The following FOXP2 variants were observed in gnomAD, a reference collection of about 807,000 sequenced individuals.
FOXP2 encodes forkhead box P2.
FOXP2 carries 12 observed loss-of-function variants against 115.8 expected under a neutral mutation model. That is an observed-to-expected ratio of 0.10 (90% confidence interval 0.07 to 0.17). The LOEUF is 0.17. Ranked by LOEUF, FOXP2 falls within the 10% of genes least tolerant of loss-of-function variation. The pLI is 1.00. For synonymous variants in FOXP2, 328 were observed against 297.7 expected (o/e 1.10, Z -1.05); for missense variants, 629 against 843.5 (o/e 0.75, Z 3.15).
chr7:114,223,125 G>C (rs1794663552), intron 1 of FOXP2, among the ~76,000 whole-genome samples: 1 of 151,944 alleles, frequency 6.6e-6, no homozygotes, highest in Non-Finnish European at 1.5e-5. Context: ...CCTTTCCTTA[G>C]GAATGAAACA....
At chr7:114,388,889 A>G (rs557640005) in intron 2 of FOXP2, among the ~76,000 whole-genome samples, 1 of 152,336 alleles carries the variant, frequency 6.6e-6, no homozygotes, top group Non-Finnish European at 1.5e-5. Flanking sequence ...GCTTTTAATC[A>G]TTTAGGCCAC....
intron 2 of FOXP2, among the ~76,000 whole-genome samples, chr7:114,449,432 T>A (rs1055882541): frequency 4.6e-5 from 7 of 152,226 alleles, no homozygotes; most frequent in South Asian, 2.1e-4. Flanking sequence ...AATGCACACT[T>A]GTACATATCC....
intron 1 of FOXP2, among the ~76,000 whole-genome samples, chr7:114,209,498 GT>G (rs1171164097): frequency 6.6e-6 from 1 of 152,082 alleles, no homozygotes; most frequent in East Asian, 1.9e-4. Flanking sequence ...AGCTTGTAGG[GT>G]TTCTATTGAA....
intron 2 of FOXP2, among the ~76,000 whole-genome samples, chr7:114,325,131 AT>A (rs1205138446): frequency 1.3e-5 from 2 of 151,870 alleles, no homozygotes; most frequent in Non-Finnish European, 2.9e-5. Flanking sequence ...AAAATGTATT[AT>A]TGGTGCAAAT....
At chr7:114,538,473 G>C (rs571513044) in intron 3 of FOXP2, 3 of 713,658 alleles carry the variant, frequency 4.2e-6, no homozygotes, top group African/African-American at 1.9e-5. Flanking sequence ...ATAATATAAA[G>C]TTCTCCTTTC....
chr7:114,383,693 T>C (rs1450073794), intron 2 of FOXP2, among the ~76,000 whole-genome samples: 1 of 152,140 alleles, frequency 6.6e-6, no homozygotes, highest in Non-Finnish European at 1.5e-5. Flanking sequence ...TGCAGAAGAA[T>C]ATAAGTCGTT....
At chr7:114,431,434 G>A (rs897930239) in intron 2 of FOXP2, among the ~76,000 whole-genome samples, 2 of 151,894 alleles carry the variant, frequency 1.3e-5, no homozygotes, top group African/African-American at 2.4e-5. Flanking sequence ...GCATTTTTCT[G>A]GGTTTAGCAC....
chr7:114,198,142 G>T (rs1438559764), intron 1 of FOXP2, among the ~76,000 whole-genome samples: 2 of 152,126 alleles, frequency 1.3e-5, no homozygotes, highest in Non-Finnish European at 2.9e-5. Context: ...GGGATTACAG[G>T]CATGAGCTAC....
At chr7:114,239,265 A>G (rs1399227728) in intron 1 of FOXP2, among the ~76,000 whole-genome samples, 9 of 152,108 alleles carry the variant, frequency 5.9e-5, no homozygotes, top group Non-Finnish European at 1.0e-4. Flanking sequence ...AGTAAATGTA[A>G]CATGTAGTTA....
chr7:114,352,213 G>A (rs1442399488), intron 2 of FOXP2, among the ~76,000 whole-genome samples: 2 of 152,004 alleles, frequency 1.3e-5, no homozygotes, highest in African/African-American at 2.4e-5. Flanking sequence ...ACTACAATGA[G>A]CCATGGTCAC....
At chr7:114,513,638 A>G (rs1798183828) in intron 2 of FOXP2, among the ~76,000 whole-genome samples, 1 of 152,110 alleles carries the variant, frequency 6.6e-6, no homozygotes. Context: ...TATTTTCATA[A>G]AAAGTTTTAT....
intron 2 of FOXP2, among the ~76,000 whole-genome samples, chr7:114,370,358 A>G (rs1489691380): frequency 3.9e-5 from 6 of 152,206 alleles, no homozygotes; most frequent in South Asian, 4.1e-4. Flanking sequence ...TCGTGCCCCA[A>G]TGGCTTTAGG....
At chr7:114,365,583 TTC>T (rs1352975632) in intron 2 of FOXP2, among the ~76,000 whole-genome samples, 2 of 152,138 alleles carry the variant, frequency 1.3e-5, no homozygotes, top group African/African-American at 2.4e-5. Flanking sequence ...CTGAAATGAC[TTC>T]TGTGTTTAGA....
chr7:114,650,653 G>A (rs1806197813), intron 8 of FOXP2, among the ~76,000 whole-genome samples: 1 of 152,016 alleles, frequency 6.6e-6, no homozygotes, highest in African/African-American at 2.4e-5. Context: ...TTCCCAGAGA[G>A]CATGAGTGAA....
intron 2 of FOXP2, among the ~76,000 whole-genome samples, chr7:114,319,771 C>T (rs978265265): frequency 2.0e-5 from 3 of 152,142 alleles, no homozygotes; most frequent in Non-Finnish European, 4.4e-5. Context: ...GGTCATTTTA[C>T]TAGAAAAATC....
intron 2 of FOXP2, among the ~76,000 whole-genome samples, chr7:114,291,521 A>G (rs1584612216): frequency 6.6e-6 from 1 of 152,106 alleles, no homozygotes; most frequent in African/African-American, 2.4e-5. Context: ...TTAAAACAAC[A>G]TACATGTATC....
chr7:114,243,407 G>T (rs1584571799), intron 1 of FOXP2, among the ~76,000 whole-genome samples: 2 of 152,110 alleles, frequency 1.3e-5, no homozygotes, highest in African/African-American at 4.8e-5. Context: ...CAGGTTGATT[G>T]CCCTGAACAT....
At chr7:114,378,708 G>C (rs201888812) in intron 2 of FOXP2, among the ~76,000 whole-genome samples, 1 of 57,862 alleles carries the variant, frequency 1.7e-5, no homozygotes, top group Non-Finnish European at 3.6e-5. Context: ...AAAAGGAAAA[G>C]AAAAAGAAAG....
intron 2 of FOXP2, among the ~76,000 whole-genome samples, chr7:114,394,502 C>A (rs1026425317): frequency 4.0e-5 from 6 of 151,600 alleles, no homozygotes; most frequent in Admixed American, 2.6e-4. Context: ...AAAATAACTC[C>A]CAACAAAATG....
Sources: allele counts gnomAD v4.1 joint callset (sites outside exome capture counted in the v4.1 genomes callset), GRCh38; gene constraint gnomAD v4.1.1; transcripts MANE v1.5; gene names NCBI Gene and HGNC (gene_info 2026-07-23, HGNC 2026-07-21).